SORCS1: variants seen among roughly 807,000 people sequenced by gnomAD.
SORCS1 encodes sortilin related VPS10 domain containing receptor 1.
SORCS1 carries 60 observed loss-of-function variants against 146.1 expected under a neutral mutation model. That is an observed-to-expected ratio of 0.41 (90% CI 0.33 to 0.51). The LOEUF is 0.51. Among genes scored for constraint, SORCS1 ranks in the 20% least tolerant of loss-of-function variants. The pLI is 0.21. For missense variants in SORCS1, 1,352 were observed against 1,487.6 expected (o/e 0.91, Z 1.50); for synonymous variants, 637 against 584.0 (o/e 1.09, Z -1.31).
chr10:106,618,222 T>G lies in SORCS1; in HGVS notation c.2847A>C (p.Gly949=). Residue 949 remains glycine, a synonymous_variant, in exon 21 of 26, where the codon GGA becomes GGC. Coordinates refer to ENST00000263054, the MANE Select transcript of SORCS1 (RefSeq NM_052918.5). ...AGACCTGCACTGTGATGGTATTCATTCCTTCTGAAGTAAATCTGAAGGATA... is the reference window on the plus strand; with the variant it reads ...AGACCTGCACTGTGATGGTATTCATGCCTTCTGAAGTAAATCTGAAGGATA... ...GSISFRFTSE[G]MNTITVQVSA... 6.2e-7 allele frequency: 1 copy of G among 1,614,096 alleles called. No individual in the cohort carries two copies. The highest frequency in any genetic ancestry group is 8.5e-7 in the Non-Finnish European group (1 of 1,179,972).
At chr10:106,653,797 T>G (rs1391699062) in intron 17 of SORCS1, among the ~76,000 whole-genome samples, 1 of 152,204 alleles carries the variant, frequency 6.6e-6, no homozygotes, top group Non-Finnish European at 1.5e-5. Context: ...ACAGAGTACT[T>G]AAAAGTATCC....
chr10:106,834,622 G>A (rs961970761), intron 2 of SORCS1, among the ~76,000 whole-genome samples: 1 of 152,072 alleles, frequency 6.6e-6, no homozygotes, highest in Non-Finnish European at 1.5e-5. Context: ...AATGAAAATT[G>A]CAAACAGAAA....
At chr10:107,020,257 T>C (rs1239366430) in intron 1 of SORCS1, among the ~76,000 whole-genome samples, 1 of 152,210 alleles carries the variant, frequency 6.6e-6, no homozygotes, top group African/African-American at 2.4e-5. Flanking sequence ...AAAATGTTCC[T>C]TTCTTTAGAA....
chr10:106,920,525 C>T (rs778630637), intron 2 of SORCS1, among the ~76,000 whole-genome samples: 3 of 152,312 alleles, frequency 2.0e-5, no homozygotes, highest in Middle Eastern at 3.4e-3. Flanking sequence ...CTCATCCCTA[C>T]ACCCACCCTG....
chr10:106,727,601 C>T (rs542601990), intron 6 of SORCS1, among the ~76,000 whole-genome samples: 26 of 151,652 alleles, frequency 1.7e-4, no homozygotes, highest in East Asian at 5.8e-4. Context: ...CGGTTGTGAT[C>T]GAATAAACAC....
At chr10:106,862,971 A>T (rs1950081481) in intron 2 of SORCS1, among the ~76,000 whole-genome samples, 1 of 152,138 alleles carries the variant, frequency 6.6e-6, no homozygotes, top group African/African-American at 2.4e-5. Flanking sequence ...AGGCACCTTC[A>T]ACTCGTCGAT....
chr10:107,070,121 T>C (rs749536315), intron 1 of SORCS1, among the ~76,000 whole-genome samples: 5 of 152,238 alleles, frequency 3.3e-5, no homozygotes, highest in Non-Finnish European at 7.3e-5. Context: ...TAGCATAATA[T>C]GTTCAAGGTT....
chr10:106,865,041 A>G (rs888770946), intron 2 of SORCS1, among the ~76,000 whole-genome samples: 17 of 149,994 alleles, frequency 1.1e-4, no homozygotes, highest in African/African-American at 3.9e-4. Flanking sequence ...TGTTTTGGTG[A>G]CTTAGCTGTC....
At chr10:106,917,407 C>G (rs796831445) in intron 2 of SORCS1, among the ~76,000 whole-genome samples, 5 of 152,124 alleles carry the variant, frequency 3.3e-5, no homozygotes, top group Non-Finnish European at 7.3e-5. Flanking sequence ...TGGTCTATAG[C>G]TTTGGTATCC....
At position 106,725,842 on chromosome 10, in the gene SORCS1, G is replaced by T. The variant is rs1225236450; in HGVS notation, c.1024+4208C>A. Reference sequence around the variant, plus strand: ...GCTCCTTGGGAGGCTGAGGCAGGAGGATGGCTTGAACCCAGGGGGCAGAGG... The same window carrying T: ...GCTCCTTGGGAGGCTGAGGCAGGAGTATGGCTTGAACCCAGGGGGCAGAGG... On this transcript the variant is annotated intron_variant, in intron 6 of 25. Transcript: ENST00000263054. 3.1e-5 allele frequency among the ~76,000 whole-genome samples: 4 copies of T among 130,912 alleles called. No individual in the cohort carries two copies. The East Asian group carries it at 6.8e-4, about 22-fold the overall frequency. The allele number at this position is 130,912 out of a possible 152,430, so 85.9% of individuals were successfully genotyped here.
At chr10:107,133,031 T>C (rs1257500956) in intron 1 of SORCS1, among the ~76,000 whole-genome samples, 2 of 152,188 alleles carry the variant, frequency 1.3e-5, no homozygotes, top group Non-Finnish European at 2.9e-5. Context: ...AGGTTCAGCC[T>C]CTGGAATAAA....
At chr10:106,585,631 G>C (rs1272764899) in intron 24 of SORCS1, among the ~76,000 whole-genome samples, 1 of 152,206 alleles carries the variant, frequency 6.6e-6, no homozygotes, top group East Asian at 1.9e-4. Flanking sequence ...TGAGTTTGAA[G>C]CTTGTCTCAC....
upstream of SORCS1, among the ~76,000 whole-genome samples, chr10:107,168,363 C>A (rs968729386): frequency 6.6e-6 from 1 of 152,124 alleles, no homozygotes; most frequent in East Asian, 1.9e-4. Context: ...TCTTTCTAAG[C>A]GTATATTACA....
At chr10:107,128,567 A>G (rs564289779) in intron 1 of SORCS1, among the ~76,000 whole-genome samples, 15 of 152,238 alleles carry the variant, frequency 9.9e-5, no homozygotes, top group Non-Finnish European at 2.1e-4. Flanking sequence ...TGATGATTAA[A>G]TATAATGAAA....
Position 106,589,609 on chromosome 10 carries a change from A to C in SORCS1, c.3265+7742T>G, listed in dbSNP as rs188962537. On this transcript the variant is annotated intron_variant, in intron 24 of 25. Coordinates refer to ENST00000263054, the MANE Select transcript of SORCS1 (RefSeq NM_052918.5). ...CTTCTCACCTGAGTTTCCATTCCAT[A>C]TTTCCAGCTTCCTGATGGGGTTTTT... 9.4e-4 allele frequency among the ~76,000 whole-genome samples: 138 copies of C among 146,164 alleles called. 2 individuals are homozygous for C. In the East Asian group the frequency reaches 0.021, roughly 22 times the overall value.
At chr10:106,983,413 C>T (rs1221319486) in intron 1 of SORCS1, among the ~76,000 whole-genome samples, 2 of 151,852 alleles carry the variant, frequency 1.3e-5, no homozygotes, top group African/African-American at 4.8e-5. Context: ...TTCTTATATA[C>T]TTTACCTCAT....
At chr10:106,966,639 A>T (rs751866616) in intron 1 of SORCS1, among the ~76,000 whole-genome samples, 2 of 149,878 alleles carry the variant, frequency 1.3e-5, no homozygotes, top group Non-Finnish European at 3.0e-5. Context: ...AACATTAGAC[A>T]CAGCAAATTG....
chr10:106,814,869 C>T (rs61867327), intron 3 of SORCS1, among the ~76,000 whole-genome samples: 5,612 of 137,686 alleles, frequency 0.041, 166 homozygotes, highest in Non-Finnish European at 0.058. Flanking sequence ...GAGCCCAGAT[C>T]GCGCCACTGC....
At position 106,577,390 on chromosome 10, in the gene SORCS1, C is replaced by T. The variant is rs777197408; in HGVS notation, c.*30G>A. On this transcript the variant is annotated 3_prime_UTR_variant, in exon 26 of 26. Coordinates refer to ENST00000263054, the MANE Select transcript of SORCS1 (RefSeq NM_052918.5). ...AAGAGCGAAATTCTTTCCTGATCAG[C>T]AGGTCGCCTGTAGCCTTTGGGGGTT... is the stretch of plus-strand genomic sequence containing the variant. The T allele has an allele frequency of 3.7e-6, 6 of 1,613,474 alleles. No homozygotes were observed. In the Admixed American group the frequency reaches 6.7e-5, roughly 18 times the overall value.
Sources: allele counts gnomAD v4.1 joint callset (sites outside exome capture counted in the v4.1 genomes callset), GRCh38; gene constraint gnomAD v4.1.1; transcripts MANE v1.5; gene names NCBI Gene and HGNC (gene_info 2026-07-23, HGNC 2026-07-21).